The following SOX5 variants were observed in gnomAD, a reference collection of about 807,000 sequenced individuals.
SOX5 encodes the protein SRY-box transcription factor 5.
Under a neutral mutation model 92.0 loss-of-function variants are expected in SOX5, and 9 were observed. That is an observed-to-expected ratio of 0.10 (90% CI 0.06 to 0.17). SOX5 has a LOEUF of 0.17. Ranked by LOEUF, SOX5 falls within the 10% of genes least tolerant of loss-of-function variation. The pLI is 1.00. For missense variants in SOX5, 642 were observed against 944.5 expected (o/e 0.68, Z 4.20); for synonymous variants, 344 against 336.3 (o/e 1.02, Z -0.25).
intron 1 of SOX5, among the ~76,000 whole-genome samples, chr12:24,516,276 G>A (rs1949781430): frequency 6.6e-6 from 1 of 151,962 alleles, no homozygotes; most frequent in South Asian, 2.1e-4. Flanking sequence ...TCTGACTCCT[G>A]GCCTCAAGCA....
chr12:24,363,792 T>G (rs1955861316), intron 2 of SOX5, among the ~76,000 whole-genome samples: 1 of 152,010 alleles, frequency 6.6e-6, no homozygotes, highest in African/African-American at 2.4e-5. Context: ...TAGTATGATT[T>G]AGAATACCTA....
intron 3 of SOX5, among the ~76,000 whole-genome samples, chr12:23,779,803 A>ATG (rs2095225922): frequency 9.9e-6 from 1 of 100,686 alleles, no homozygotes; most frequent in Non-Finnish European, 1.9e-5. Flanking sequence ...ATATATATAT[A>ATG]TATATATATA....
intron 1 of SOX5, among the ~76,000 whole-genome samples, chr12:24,525,560 T>C (rs1950626379): frequency 6.6e-6 from 1 of 152,024 alleles, no homozygotes; most frequent in African/African-American, 2.4e-5. Flanking sequence ...AATAAAAAAT[T>C]AAAAGAAAAG....
At chr12:23,534,700 T>A (rs1365412173) in intron 14 of SOX5, among the ~76,000 whole-genome samples, 178 bp from the exon 15 acceptor site, 1 of 135,644 alleles carries the variant, frequency 7.4e-6, no homozygotes, top group Admixed American at 7.7e-5. Flanking sequence ...TTTTCTTTTC[T>A]TTTCTTTTTT....
chr12:24,166,487 G>A (rs1297474942), intron 4 of SOX5, among the ~76,000 whole-genome samples: 1 of 152,170 alleles, frequency 6.6e-6, no homozygotes, highest in African/African-American at 2.4e-5. Flanking sequence ...CAGTGAGAGA[G>A]AGCGAGCATT....
chr12:23,706,431 C>T (rs2091399859), intron 6 of SOX5, among the ~76,000 whole-genome samples: 1 of 151,956 alleles, frequency 6.6e-6, no homozygotes, highest in Admixed American at 6.6e-5. Context: ...GTAGCATAAA[C>T]TAACCTAAAT....
intron 2 of SOX5, chr12:24,331,274 C>A (rs1951273850): frequency 6.6e-6 from 1 of 152,204 alleles, no homozygotes; most frequent in Admixed American, 6.5e-5. Context: ...GCAGTCAACT[C>A]ACCTGCTATT....
chr12:24,361,971 G>A (rs748496421), intron 2 of SOX5, among the ~76,000 whole-genome samples: 6 of 152,234 alleles, frequency 3.9e-5, no homozygotes, highest in Non-Finnish European at 8.8e-5. Flanking sequence ...CCTTCCAGAA[G>A]ATGAACAGTG....
chr12:24,002,956 C>T (rs1951764216), intron 4 of SOX5, among the ~76,000 whole-genome samples: 1 of 151,972 alleles, frequency 6.6e-6, no homozygotes, highest in African/African-American at 2.4e-5. Flanking sequence ...TCCAGCAACA[C>T]ATAGAAAGAG....
At chr12:23,624,684 T>A (rs1460799148) in intron 8 of SOX5, among the ~76,000 whole-genome samples, 1 of 152,194 alleles carries the variant, frequency 6.6e-6, no homozygotes, top group Non-Finnish European at 1.5e-5. Context: ...AGAATTGCTT[T>A]CTGAGGTTGT....
intron 4 of SOX5, among the ~76,000 whole-genome samples, chr12:24,032,917 C>T (rs1038567841): frequency 6.6e-6 from 1 of 151,852 alleles, no homozygotes; most frequent in Non-Finnish European, 1.5e-5. Flanking sequence ...CACTTTGTAA[C>T]ACTTGGACTT....
chr12:23,747,759 GC>G (rs1474441768), intron 4 of SOX5, among the ~76,000 whole-genome samples: 1 of 151,964 alleles, frequency 6.6e-6, no homozygotes, highest in East Asian at 1.9e-4. Context: ...GCCCCGAAAT[GC>G]CTCCAGACAT....
At chr12:23,756,571 A>G (rs1302204610) in intron 3 of SOX5, among the ~76,000 whole-genome samples, 1 of 152,000 alleles carries the variant, frequency 6.6e-6, no homozygotes, top group East Asian at 1.9e-4. Flanking sequence ...GTCAGCACTT[A>G]GATGGATACA....
At chr12:23,538,959 C>T (rs1010133015) in intron 13 of SOX5, among the ~76,000 whole-genome samples, 1 of 151,716 alleles carries the variant, frequency 6.6e-6, no homozygotes, top group African/African-American at 2.4e-5. Flanking sequence ...CGCCACCACG[C>T]CCGGCTAGCT....
chr12:24,310,547 G>A (rs1397402594), intron 2 of SOX5, among the ~76,000 whole-genome samples: 1 of 151,970 alleles, frequency 6.6e-6, no homozygotes, highest in Non-Finnish European at 1.5e-5. Flanking sequence ...TTTTATACAT[G>A]AGCCCATCCT....
chr12:24,348,200 A>G lies in SOX5; in HGVS notation c.-174+20363T>C, dbSNP rs563332699. ...AGTTTCAAAATAAAATGGATACTCTAAAGTTTGCGATCTCCTAAGACACAG... is the reference window on the plus strand; with the variant it reads ...AGTTTCAAAATAAAATGGATACTCTGAAGTTTGCGATCTCCTAAGACACAG... On this transcript the variant is annotated intron_variant, in intron 2 of 4. Coordinates refer to the SOX5 transcript ENST00000446891. Among the ~76,000 whole-genome samples the G allele has an allele frequency of 2.0e-5, 3 of 152,070 alleles. No individual in the cohort carries two copies. The South Asian group carries it at 6.2e-4, about 32-fold the overall frequency.
rs369561894 is a variant in SOX5, at chr12:24,372,210, G to A, written c.-250-3571C>T. 4.6e-5 allele frequency among the ~76,000 whole-genome samples: 7 copies of A among 152,050 alleles called. No homozygotes were observed. The South Asian group carries it at 6.2e-4, about 14-fold the overall frequency. ...TCAGGTTTGTTACATAGTTATACAC[G>A]TGCCATGTTGGTTTCCTGCACTCAT... On this transcript the variant is annotated intron_variant, in intron 1 of 4. Coordinates refer to the SOX5 transcript ENST00000446891.
intron 10 of SOX5, among the ~76,000 whole-genome samples, chr12:23,566,680 T>G (rs1184910953): frequency 1.3e-5 from 2 of 152,238 alleles, no homozygotes; most frequent in Non-Finnish European, 2.9e-5. Flanking sequence ...AAGTTGCAAT[T>G]GTCTCTTCGG....
Position 24,171,214 on chromosome 12 carries a change from TTTGTTTGTTTGTTTG to T in SOX5, c.-2+42114_-2+42128del, listed in dbSNP as rs1310745572. Among the ~76,000 whole-genome samples, 251 of 32,666 alleles carry T rather than the reference TTTGTTTGTTTGTTTG, an allele frequency of 7.7e-3. 36 individuals carry two copies. Among genetic ancestry groups the T allele is most frequent in the Non-Finnish European group, 0.012 (206 of 16,638 alleles). The allele number at this position is 32,666 out of a possible 152,430, so 21.4% of individuals were successfully genotyped here. ...TTTATTTCATTGGCCAACAGTTTTT[TTTGTTTGTTTGTTTG>T]TTTTTTTTTTTGGAGACAGAGTCTC... On this transcript the variant is annotated intron_variant, in intron 4 of 4. Transcript: ENST00000446891.
Sources: allele counts gnomAD v4.1 joint callset (sites outside exome capture counted in the v4.1 genomes callset), GRCh38; gene constraint gnomAD v4.1.1; transcripts MANE v1.5; gene names NCBI Gene and HGNC (gene_info 2026-07-23, HGNC 2026-07-21).